Variants in EGFLAM observed in about 807,000 individuals in gnomAD.
EGFLAM encodes the protein EGF like, fibronectin type III and laminin G domains, also known as pikachurin.
EGFLAM carries 79 observed loss-of-function variants against 113.1 expected under a neutral mutation model. The ratio of observed to expected loss-of-function variants is 0.70; its 90% confidence interval spans 0.58 to 0.84. The LOEUF is 0.84. Among genes scored for constraint, EGFLAM ranks in the 40% least tolerant of loss-of-function variants. The pLI is 0.00. For synonymous variants in EGFLAM, 504 were observed against 487.6 expected (o/e 1.03, Z -0.44); for missense variants, 1,265 against 1,291.6 (o/e 0.98, Z 0.32).
At chr5:38,347,661 A>G (rs999262349) in intron 3 of EGFLAM, among the ~76,000 whole-genome samples, 3 of 152,194 alleles carry the variant, frequency 2.0e-5, no homozygotes, top group Admixed American at 6.5e-5. Flanking sequence ...CCAAGTTCTT[A>G]AGTATGACTG....
chr5:38,281,796 T>A (rs528109736), intron 1 of EGFLAM, among the ~76,000 whole-genome samples: 1 of 152,348 alleles, frequency 6.6e-6, no homozygotes, highest in Admixed American at 6.5e-5. Context: ...TTCTGTAAGA[T>A]TGGCCAACAA....
chr5:38,368,174 T>G (rs1161324367), intron 5 of EGFLAM, among the ~76,000 whole-genome samples: 1 of 152,214 alleles, frequency 6.6e-6, no homozygotes, highest in Non-Finnish European at 1.5e-5. Flanking sequence ...TCACATCTTT[T>G]CTGACTTTAC....
intron 1 of EGFLAM, among the ~76,000 whole-genome samples, chr5:38,319,516 TCCCTG>T (rs1738687220): frequency 6.6e-6 from 1 of 152,124 alleles, no homozygotes; most frequent in Non-Finnish European, 1.5e-5. Context: ...AACACAAAAG[TCCCTG>T]CCCTCATGGA....
chr5:38,344,968 A>C (rs1739437218), intron 3 of EGFLAM, among the ~76,000 whole-genome samples: 1 of 152,214 alleles, frequency 6.6e-6, no homozygotes. Context: ...TGGGGATTCT[A>C]TTATGAGAAA....
chr5:38,369,338 C>T lies in EGFLAM; in HGVS notation c.546-958C>T. On this transcript the variant is annotated intron_variant, in intron 5 of 21. Coordinates refer to ENST00000322350, the MANE Select transcript of EGFLAM (RefSeq NM_152403.4). ...TTATTTTTCTTTAAAATCCAGTGTA[C>T]ATTTTACACAATAGCACATCTCAAT... 1.3e-5 allele frequency among the ~76,000 whole-genome samples: 2 copies of T among 152,118 alleles called. 1 individual carries two copies. The highest frequency in any genetic ancestry group is 4.8e-5 in the African/African-American group (2 of 41,406).
intron 6 of EGFLAM, among the ~76,000 whole-genome samples, chr5:38,380,299 G>GTC (rs1740476303): frequency 6.6e-6 from 1 of 152,166 alleles, no homozygotes. Context: ...AGCTTTTAAG[G>GTC]AATCAATTAG....
chr5:38,275,533 A>G (rs1004599535), intron 1 of EGFLAM, among the ~76,000 whole-genome samples: 2 of 152,254 alleles, frequency 1.3e-5, no homozygotes, highest in African/African-American at 4.8e-5. Context: ...AGTTGTAAAT[A>G]TATGTATACC....
At chr5:38,447,829 T>C (rs1338143268) in intron 17 of EGFLAM, among the ~76,000 whole-genome samples, 1 of 151,980 alleles carries the variant, frequency 6.6e-6, no homozygotes, top group Non-Finnish European at 1.5e-5. Context: ...CCAAGCCTCA[T>C]TCATAGTGCT....
At chr5:38,309,627 G>A (rs1029925299) in intron 1 of EGFLAM, among the ~76,000 whole-genome samples, 6 of 152,162 alleles carry the variant, frequency 3.9e-5, no homozygotes, top group Non-Finnish European at 7.3e-5. Context: ...GTAAGCAAAG[G>A]AACACTTGGA....
At chr5:38,260,620 A>G (rs924973697) in intron 1 of EGFLAM, among the ~76,000 whole-genome samples, 4 of 152,256 alleles carry the variant, frequency 2.6e-5, no homozygotes, top group African/African-American at 9.6e-5. Flanking sequence ...ATACTTTGGC[A>G]TATTAATTAC....
chr5:38,373,678 G>T (rs1740287138), intron 6 of EGFLAM, among the ~76,000 whole-genome samples: 1 of 152,170 alleles, frequency 6.6e-6, no homozygotes, highest in African/African-American at 2.4e-5. Context: ...AGATACTTAG[G>T]TTGATTCTGT....
intron 5 of EGFLAM, among the ~76,000 whole-genome samples, chr5:38,357,585 T>C (rs1401049255): frequency 6.6e-6 from 1 of 152,162 alleles, no homozygotes; most frequent in African/African-American, 2.4e-5. Context: ...GTGACAGGTT[T>C]CTGTGTGAGC....
At chr5:38,302,061 G>A (rs577810439) in intron 1 of EGFLAM, among the ~76,000 whole-genome samples, 7 of 152,112 alleles carry the variant, frequency 4.6e-5, no homozygotes, top group South Asian at 4.2e-4. Context: ...CCAACGTAGC[G>A]AAACCCCGTC....
At chr5:38,406,778 A>G (rs1199482084) in intron 7 of EGFLAM, 50 bp from the exon 8 acceptor site, 13 of 1,540,060 alleles carry the variant, frequency 8.4e-6, no homozygotes, top group Non-Finnish European at 1.2e-5. Context: ...AAACAGTCCA[A>G]TTGCCATGCT....
intron 6 of EGFLAM, among the ~76,000 whole-genome samples, chr5:38,399,181 T>G (rs947673008): frequency 6.6e-6 from 1 of 152,088 alleles, no homozygotes; most frequent in Non-Finnish European, 1.5e-5. Flanking sequence ...TGTTTTCCAC[T>G]ATGCTAGGTG....
At chr5:38,446,683 A>G (rs540035436) in intron 17 of EGFLAM, among the ~76,000 whole-genome samples, 2 of 152,282 alleles carry the variant, frequency 1.3e-5, no homozygotes, top group African/African-American at 4.8e-5. Flanking sequence ...TTTCTTGGGT[A>G]GTTACCTCCA....
chr5:38,396,759 C>T (rs1740971693), intron 6 of EGFLAM, among the ~76,000 whole-genome samples: 1 of 152,244 alleles, frequency 6.6e-6, no homozygotes, highest in African/African-American at 2.4e-5. Flanking sequence ...ATTTCTCACA[C>T]ACCATGATGG....
chr5:38,346,988 C>T (rs1360196738), intron 3 of EGFLAM, among the ~76,000 whole-genome samples: 2 of 151,982 alleles, frequency 1.3e-5, no homozygotes, highest in Non-Finnish European at 2.9e-5. Context: ...GAGGGGCAGA[C>T]TGAAGACCCA....
At position 38,448,306 on chromosome 5, in the gene EGFLAM, A is replaced by G; in HGVS notation, c.2470A>G (p.Ile824Val). 1 of 1,614,210 alleles carries G rather than the reference A, an allele frequency of 6.2e-7. No individual in the cohort carries two copies. ...FEGLHCQKAIIEAIEIPQFIG... is the reference protein window; with the variant it reads ...FEGLHCQKAIVEAIEIPQFIG... The stretch of plus-strand genomic sequence containing the variant: ...CTTTTTCTGTTCTGTCCCAGCGATC[A>G]TAGAAGCCATTGAGATCCCGCAGTT... Residue 824 changes from isoleucine (I) to valine (V), a missense_variant, in exon 18 of 22, where the codon ATA becomes GTA. Coordinates refer to ENST00000322350, the MANE Select transcript of EGFLAM (RefSeq NM_152403.4).
Sources: gnomAD v4.1 joint callset for allele counts (sites outside exome capture counted in the v4.1 genomes callset) on GRCh38, gnomAD v4.1.1 for gene constraint, MANE v1.5 for transcripts, NCBI Gene and HGNC (gene_info 2026-07-23, HGNC 2026-07-21) for gene names.